The following CUBN variants were observed in gnomAD, a reference collection of about 807,000 sequenced individuals.
CUBN encodes cubilin.
In CUBN, 282 loss-of-function variants were observed where a neutral mutation model predicts 405.3. That is an observed-to-expected ratio of 0.70 (90% CI 0.63 to 0.77). The LOEUF is 0.77. CUBN is among the 30% of genes least tolerant of loss of function. The pLI is 0.00. For synonymous variants in CUBN, 1,684 were observed against 1,617.0 expected (o/e 1.04, Z -0.99); for missense variants, 4,514 against 4,475.2 (o/e 1.01, Z -0.25).
At position 17,068,210 on chromosome 10, in the gene CUBN, G is replaced by A. The variant is rs147077130; in HGVS notation, c.2862C>T (p.His954=). 49 of 1,613,626 alleles carry A rather than the reference G, an allele frequency of 3.0e-5. No homozygotes were observed. The highest frequency in any genetic ancestry group is 9.3e-5 in the African/African-American group (7 of 74,900). Residue 954 remains histidine, a synonymous_variant, in exon 21 of 67, where the codon CAC becomes CAT. Transcript: ENST00000377833. Reference sequence around the variant, plus strand: ...ATATATGCCAAGTACAGTTGATACCGTGGGGGTAGACATTTGGATGGCCAG... The same window carrying A: ...ATATATGCCAAGTACAGTTGATACCATGGGGGTAGACATTTGGATGGCCAG... ...QSPGHPNVYP[H]GINCTWHILV...
chr10:17,038,649 A>G (rs1477714025), intron 27 of CUBN, among the ~76,000 whole-genome samples: 1 of 152,190 alleles, frequency 6.6e-6, no homozygotes, highest in Non-Finnish European at 1.5e-5. Flanking sequence ...AAAACCCAGA[A>G]GCGATTAAAA....
At chr10:16,943,452 A>C (rs1842709419) in intron 36 of CUBN, among the ~76,000 whole-genome samples, 1 of 152,154 alleles carries the variant, frequency 6.6e-6, no homozygotes, top group African/African-American at 2.4e-5. Context: ...TTTATTTTGC[A>C]AGGAATTGGT....
intron 65 of CUBN, among the ~76,000 whole-genome samples, chr10:16,830,500 G>A (rs1279856817): frequency 6.6e-6 from 1 of 152,144 alleles, no homozygotes; most frequent in Non-Finnish European, 1.5e-5. Flanking sequence ...AGCCAAAAAT[G>A]TGAGAAGATA....
At position 16,829,322 on chromosome 10, in the gene CUBN, T is replaced by G. The variant is rs11254232; in HGVS notation, c.10529-282A>C. Among the ~76,000 whole-genome samples, 15,648 of 133,350 alleles carry G rather than the reference T, an allele frequency of 0.12. 949 individuals carry two copies. The highest frequency in any genetic ancestry group is 0.18 in the East Asian group (743 of 4,096). 87.5% of individuals were successfully genotyped at this position (133,350 alleles called of 152,430 possible). A position where few individuals can be genotyped will look rare whatever the true frequency, so the allele number is the denominator to read the frequency against. ...TCCTCCAGGACTGTACTTTGAAAAT[T>G]GGGGGTTGAGAGCAGAATGGAAAAA... is the stretch of plus-strand genomic sequence containing the variant. On this transcript the variant is annotated intron_variant, in intron 65 of 66. Coordinates refer to ENST00000377833, the MANE Select transcript of CUBN (RefSeq NM_001081.4).
intron 31 of CUBN, among the ~76,000 whole-genome samples, chr10:16,962,712 G>A (rs1001626398): frequency 4.6e-5 from 7 of 152,142 alleles, no homozygotes; most frequent in Non-Finnish European, 8.8e-5. Context: ...AAGGTGCCGT[G>A]TTCTGAGATA....
intron 27 of CUBN, among the ~76,000 whole-genome samples, chr10:17,038,219 C>A (rs1205985935): frequency 6.6e-6 from 1 of 152,222 alleles, no homozygotes; most frequent in South Asian, 2.1e-4. Context: ...CCAAATCTAT[C>A]ATTTCCATTT....
At chr10:16,927,818 A>G (rs1842235203) in intron 41 of CUBN, among the ~76,000 whole-genome samples, 1 of 152,236 alleles carries the variant, frequency 6.6e-6, no homozygotes, top group African/African-American at 2.4e-5. Flanking sequence ...AGTTATGGAT[A>G]TGAGCTGTGC....
intron 40 of CUBN, among the ~76,000 whole-genome samples, chr10:16,931,818 C>G (rs902883314): frequency 6.6e-6 from 1 of 152,098 alleles, no homozygotes; most frequent in Non-Finnish European, 1.5e-5. Flanking sequence ...AGTGATGGAA[C>G]AAAAACAACT....
chr10:16,843,687 G>T (rs1839427265), intron 60 of CUBN, among the ~76,000 whole-genome samples: 1 of 152,100 alleles, frequency 6.6e-6, no homozygotes. Flanking sequence ...TGTATGCCAG[G>T]CCTCTGTGCT....
At chr10:16,959,696 C>A (rs978085544) in intron 31 of CUBN, among the ~76,000 whole-genome samples, 1 of 151,622 alleles carries the variant, frequency 6.6e-6, no homozygotes, top group Non-Finnish European at 1.5e-5. Flanking sequence ...ACAAGAAAAG[C>A]ACTTCAAGGA....
chr10:16,972,069 C>T (rs550467820), intron 31 of CUBN, among the ~76,000 whole-genome samples: 36 of 152,214 alleles, frequency 2.4e-4, no homozygotes, highest in Middle Eastern at 3.4e-3. Context: ...TGATCACCCA[C>T]CCTTGAAATT....
chr10:16,933,244 C>T lies in CUBN; in HGVS notation c.5967G>A (p.Val1989=). The change falls in exon 40 of 67, where the codon GTG becomes GTA. Residue 1989 remains valine, a synonymous_variant. Transcript: ENST00000377833. Reference sequence around the variant, plus strand: ...CAGGCCAGCCCGGGGAGAAGAGAAACACGGGTGCATCTCCCGTCCTCAGGA... The same window carrying T: ...CAGGCCAGCCCGGGGAGAAGAGAAATACGGGTGCATCTCCCGTCCTCAGGA... ...GGFLRTGDAP[V]FLFSPGWPDS... is the part of the protein sequence containing the mutation. 6.2e-7 allele frequency: 1 copy of T among 1,613,966 alleles called. No individual in the cohort carries two copies. Among genetic ancestry groups the T allele is most frequent in the Non-Finnish European group, 8.5e-7 (1 of 1,179,994 alleles).
At chr10:16,988,149 C>G (rs1402905391) in intron 29 of CUBN, among the ~76,000 whole-genome samples, 1 of 152,170 alleles carries the variant, frequency 6.6e-6, no homozygotes, top group African/African-American at 2.4e-5. Context: ...CAACCCGAAA[C>G]ACAATTGGCC....
chr10:17,104,831 T>C (rs1303985705), intron 11 of CUBN, among the ~76,000 whole-genome samples: 3 of 145,214 alleles, frequency 2.1e-5, no homozygotes, highest in African/African-American at 7.6e-5. Context: ...TTTTTTGAGA[T>C]GGAGTCTCGC....
chr10:17,097,972 G>A (rs954237358), intron 14 of CUBN, among the ~76,000 whole-genome samples: 2 of 152,192 alleles, frequency 1.3e-5, no homozygotes, highest in African/African-American at 4.8e-5. Context: ...TTAACCCATT[G>A]AGTATGGCAG....
At chr10:17,016,942 G>T (rs1313959625) in intron 28 of CUBN, among the ~76,000 whole-genome samples, 1 of 152,138 alleles carries the variant, frequency 6.6e-6, no homozygotes, top group Admixed American at 6.5e-5. Context: ...CAAGCTGCAG[G>T]ATAGTATTGT....
rs1187054652 is a variant in CUBN, at chr10:17,052,145, T to C, written c.3140-4542A>G. On this transcript the variant is annotated intron_variant, in intron 22 of 66. Transcript: ENST00000377833. Reference sequence around the variant, plus strand: ...GGAGGCAAGAAGAAAATGGAATACATCTTTAAAATGTTGAGATGGGGAAAA... The same window carrying C: ...GGAGGCAAGAAGAAAATGGAATACACCTTTAAAATGTTGAGATGGGGAAAA... Among the ~76,000 whole-genome samples the C allele has an allele frequency of 7.2e-5, 11 of 152,110 alleles. 1 individual carries two copies. Among genetic ancestry groups the C allele is most frequent in the Admixed American group, 7.2e-4 (11 of 15,276 alleles).
At chr10:16,987,112 G>T (rs914233077) in intron 29 of CUBN, among the ~76,000 whole-genome samples, 4 of 152,194 alleles carry the variant, frequency 2.6e-5, no homozygotes, top group African/African-American at 9.6e-5. Context: ...ACTGCTCCAA[G>T]GAGTGGATTT....
At chr10:16,992,259 G>A (rs1239747540) in intron 28 of CUBN, among the ~76,000 whole-genome samples, 3 of 151,740 alleles carry the variant, frequency 2.0e-5, no homozygotes, top group African/African-American at 7.3e-5. Context: ...GGGAAGGGGG[G>A]AGGGATAGCA....
Sources: allele counts gnomAD v4.1 joint callset (sites outside exome capture counted in the v4.1 genomes callset), GRCh38; gene constraint gnomAD v4.1.1; transcripts MANE v1.5; gene names NCBI Gene and HGNC (gene_info 2026-07-23, HGNC 2026-07-21).